The following MDM2 variants were observed in gnomAD, a reference collection of about 807,000 sequenced individuals.
The protein encoded by MDM2 is E3 ubiquitin-protein ligase Mdm2.
A neutral mutation model predicts 64.3 loss-of-function variants in MDM2; 11 were observed. The ratio of observed to expected loss-of-function variants is 0.17; its 90% CI spans 0.11 to 0.28. The LOEUF is 0.28. MDM2 is among the 10% of genes least tolerant of loss of function. The probability of loss-of-function intolerance (pLI) is 1.00; values close to 1 mark genes in which losing one functional copy is unlikely to be tolerated. For missense variants in MDM2, 388 were observed against 577.1 expected (o/e 0.67, Z 3.36); for synonymous variants, 194 against 192.9 (o/e 1.01, Z -0.05).
chr12:68,826,662 A>G (rs1422285393), intron 7 of MDM2, among the ~76,000 whole-genome samples: 1 of 149,814 alleles, frequency 6.7e-6, no homozygotes, highest in Non-Finnish European at 1.5e-5. Flanking sequence ...AAAAAAAAAA[A>G]AAGAAAAGAA....
At chr12:68,808,635 C>T in intron 1 of MDM2, 144 bp downstream of exon 1, 1 of 1,264,434 alleles carries the variant, frequency 7.9e-7, no homozygotes, top group Non-Finnish European at 1.1e-6. Context: ...GGGCATGGGG[C>T]ACGTGGCTTT....
At chr12:68,829,902 T>TA (rs1186487062) in intron 8 of MDM2, among the ~76,000 whole-genome samples, 10 of 152,250 alleles carry the variant, frequency 6.6e-5, no homozygotes, top group Non-Finnish European at 1.5e-4. Context: ...AGAAGTTTGG[T>TA]AAAAAATTTT....
At chr12:68,833,455 A>T (rs1332942296) in intron 8 of MDM2, among the ~76,000 whole-genome samples, 1 of 146,038 alleles carries the variant, frequency 6.8e-6, no homozygotes, top group African/African-American at 2.5e-5. Flanking sequence ...ATATATATAG[A>T]GAGAGATAAT....
intron 3 of MDM2, among the ~76,000 whole-genome samples, chr12:68,816,301 GTAAATAGAGAAGCAGTTA>G (rs1881365539): frequency 7.1e-6 from 1 of 141,280 alleles, no homozygotes; most frequent in Non-Finnish European, 1.5e-5. Flanking sequence ...GTTTGCTTAA[GTAAATAGAGAAGCAGTTA>G]TTTCTGCTTC....
chr12:68,808,733 G>A (rs998601100), intron 1 of MDM2, among the ~76,000 whole-genome samples: 9 of 151,822 alleles, frequency 5.9e-5, no homozygotes, highest in Non-Finnish European at 1.2e-4. Flanking sequence ...TGGGGGTGGG[G>A]GTGGTTCGGA....
In MDM2 at chr12:68,836,531, A is replaced by T. The variant is rs745545777; in HGVS notation, c.841-141A>T. ...TCTCCTCCATTTTTTCCCCCTTTAC[A>T]CTCACTTACTCTATTTGATATTGTC... On this transcript the variant is annotated intron_variant, in intron 9 of 10. Transcript: ENST00000258149. The T allele has an allele frequency of 3.7e-4, 236 of 639,208 alleles. 1 individual carries two copies. Among genetic ancestry groups the T allele is most frequent in the Non-Finnish European group, 5.8e-4 (206 of 352,760 alleles). 39.6% of individuals were successfully genotyped at this position (639,208 alleles called of 1,614,324 possible).
Position 68,815,436 on chromosome 12 carries a change from T to C in MDM2, c.175-1376T>C, listed in dbSNP as rs567556601. On this transcript the variant is annotated intron_variant, in intron 3 of 10. Transcript: ENST00000258149. ...GAGCTGGGGCCAGTTTCTTCTTCTTTTTTTTTTTTTTTTTTTTTTTTATGT... is the reference window on the plus strand; with the variant it reads ...GAGCTGGGGCCAGTTTCTTCTTCTTCTTTTTTTTTTTTTTTTTTTTTATGT... Among the ~76,000 whole-genome samples, 1,068 of 139,734 alleles carry C rather than the reference T, an allele frequency of 7.6e-3. 8 individuals carry two copies. Among genetic ancestry groups the C allele is most frequent in the African/African-American group, 0.028 (996 of 35,386 alleles). The allele number at this position is 139,734 out of a possible 152,430, so 91.7% of individuals were successfully genotyped here. A position where few individuals can be genotyped will look rare whatever the true frequency, so the allele number is the denominator to read the frequency against.
downstream of MDM2, chr12:68,848,013 G>A (rs532071740): frequency 6.6e-5 from 10 of 152,210 alleles, no homozygotes; most frequent in African/African-American, 2.2e-4. Context: ...AAATTGTGGT[G>A]GCATGCATGG....
downstream of MDM2, chr12:68,846,928 A>T: frequency 6.6e-6 from 1 of 151,482 alleles, no homozygotes; most frequent in Middle Eastern, 3.2e-3. Flanking sequence ...ACTCGACCAT[A>T]ATCACCCCAA....
intron 5 of MDM2, among the ~76,000 whole-genome samples, chr12:68,821,133 C>T (rs544427556): frequency 3.3e-4 from 50 of 151,144 alleles, no homozygotes; most frequent in African/African-American, 1.1e-3. Flanking sequence ...CTGCAACCTC[C>T]GCCTCCCAGG....
At chr12:68,838,640 A>C (rs901497755) in intron 10 of MDM2, among the ~76,000 whole-genome samples, 4 of 152,298 alleles carry the variant, frequency 2.6e-5, no homozygotes, top group Non-Finnish European at 5.9e-5. Context: ...GGTTTCATCT[A>C]GATTGATGGG....
chr12:68,836,413 T>C (rs1449561954), intron 9 of MDM2, among the ~76,000 whole-genome samples: 1 of 152,208 alleles, frequency 6.6e-6, no homozygotes, highest in Non-Finnish European at 1.5e-5. Flanking sequence ...ATATTAGTTA[T>C]TTATGAAGTA....
chr12:68,823,851 A>ATG (rs1198272842), intron 5 of MDM2, among the ~76,000 whole-genome samples: 2 of 152,228 alleles, frequency 1.3e-5, no homozygotes, highest in Non-Finnish European at 2.9e-5. Context: ...TGATAAGGGA[A>ATG]TGACAGCATG....
At chr12:68,826,601 G>A (rs3730587) in intron 7 of MDM2, among the ~76,000 whole-genome samples, 12,817 of 145,796 alleles carry the variant, frequency 0.088, 1,923 homozygotes, top group African/African-American at 0.31. Context: ...GTGAACCAAG[G>A]TCGCACCACT....
At chr12:68,847,608 C>T (rs577791118), downstream of MDM2, 1 of 151,498 alleles carries the variant, frequency 6.6e-6, no homozygotes, top group African/African-American at 2.4e-5. Context: ...CGCCCGCCAC[C>T]GCGCCTGGCT....
At chr12:68,829,722 T>C (rs1427881374) in intron 8 of MDM2, among the ~76,000 whole-genome samples, 1 of 147,122 alleles carries the variant, frequency 6.8e-6, no homozygotes, top group Non-Finnish European at 1.5e-5. Context: ...GCTGAGATTG[T>C]GCCACTGCAC....
chr12:68,815,266 TAGAATGCTTA>T (rs1344446621), intron 3 of MDM2, among the ~76,000 whole-genome samples: 1 of 152,140 alleles, frequency 6.6e-6, no homozygotes, highest in Non-Finnish European at 1.5e-5. Context: ...CATAAAGACT[TAGAATGCTTA>T]TGCTAAACTA....
At position 68,833,312 on chromosome 12, in the gene MDM2, A is replaced by T. The variant is rs1241587705; in HGVS notation, c.685-2517A>T. Among the ~76,000 whole-genome samples, 39 of 61,992 alleles carry T rather than the reference A, an allele frequency of 6.3e-4. 7 individuals carry two copies. The highest frequency in any genetic ancestry group is 1.0e-3 in the African/African-American group (12 of 12,042). The allele number at this position is 61,992 out of a possible 152,430, so 40.7% of individuals were successfully genotyped here. ...ATATATATATTTATATAAATATAAA[A>T]ATATAATTATATAAATATAAAAATA... On this transcript the variant is annotated intron_variant, in intron 8 of 10. Transcript: ENST00000258149.
rs35955589 is a variant in MDM2, at chr12:68,818,550, ATAT to A, written c.308+1609_308+1611del. Among the ~76,000 whole-genome samples, 1,000 of 148,202 alleles carry A rather than the reference ATAT, an allele frequency of 6.7e-3. 8 individuals carry two copies. Among genetic ancestry groups the A allele is most frequent in the African/African-American group, 0.023 (924 of 40,890 alleles). On this transcript the variant is annotated intron_variant, in intron 4 of 10. Transcript: ENST00000258149. The stretch of plus-strand genomic sequence containing the variant: ...ATTTGTATTATAATTTGTATATTAT[ATAT>A]TATAATATACATATAATATAATTAT...
Sources: gnomAD v4.1 joint callset for allele counts (sites outside exome capture counted in the v4.1 genomes callset) on GRCh38, gnomAD v4.1.1 for gene constraint, MANE v1.5 for transcripts, NCBI Gene and HGNC (gene_info 2026-07-23, HGNC 2026-07-21) for gene names.